Variants in NIPSNAP3A observed in about 807,000 individuals in gnomAD.
The protein encoded by NIPSNAP3A is nipsnap homolog 3A.
In NIPSNAP3A, 27 loss-of-function variants were observed where a neutral mutation model predicts 32.3. The observed-to-expected ratio is 0.84, with a 90% CI of 0.62 to 1.15. NIPSNAP3A has a LOEUF of 1.15. NIPSNAP3A is among the 50% of genes most tolerant of loss of function. The probability of loss-of-function intolerance (pLI) is 0.00; values close to 1 mark genes in which losing one functional copy is unlikely to be tolerated. For synonymous variants in NIPSNAP3A, 108 were observed against 107.3 expected, an observed-to-expected ratio of 1.01 and a Z score of -0.04; for missense variants, 278 against 297.2, an observed-to-expected ratio of 0.94 and a Z score of 0.48.
chr9:104,756,944 C>G (rs923959348), intron 4 of NIPSNAP3A, among the ~76,000 whole-genome samples: 10 of 151,310 alleles, frequency 6.6e-5, no homozygotes, highest in Non-Finnish European at 1.0e-4. Flanking sequence ...GCTGGGATTA[C>G]AGCTGTGTGC....
chr9:104,759,725 A>G lies in NIPSNAP3A; in HGVS notation c.*387A>G. The G allele has an allele frequency of 6.1e-6, 1 of 164,864 alleles. No individual in the cohort carries two copies. The highest frequency in any genetic ancestry group is 1.3e-5 in the Non-Finnish European group (1 of 75,832). The allele number at this position is 164,864 out of a possible 1,614,324, so 10.2% of individuals were successfully genotyped here. ...CATTTTTAAGTTATTAATATATTTT[A>G]TCAACCTTTCCATCATGTCTGTTTT... On this transcript the variant is annotated 3_prime_UTR_variant, in exon 6 of 6. Coordinates refer to ENST00000374767, the MANE Select transcript of NIPSNAP3A (RefSeq NM_015469.3).
intron 4 of NIPSNAP3A, 81 bp from the exon 5 acceptor site, chr9:104,759,004 A>C: frequency 4.5e-5 from 31 of 693,238 alleles, no homozygotes; most frequent in Non-Finnish European, 6.8e-5. Flanking sequence ...AAAGAATAGG[A>C]TGGGTTTGAT....
At chr9:104,747,932 G>A in intron 1 of NIPSNAP3A, 80 bp downstream of exon 1, 1 of 1,353,818 alleles carries the variant, frequency 7.4e-7, no homozygotes. Context: ...GTACGTGCGA[G>A]CAATGCGCAT....
chr9:104,756,110 T>A (rs1827903040), intron 4 of NIPSNAP3A, among the ~76,000 whole-genome samples: 1 of 152,112 alleles, frequency 6.6e-6, no homozygotes, highest in Non-Finnish European at 1.5e-5. Flanking sequence ...AAATAGAATA[T>A]ATAAAAACAG....
chr9:104,748,961 CAT>C (rs1827813962), intron 1 of NIPSNAP3A, among the ~76,000 whole-genome samples: 1 of 152,098 alleles, frequency 6.6e-6, no homozygotes, highest in African/African-American at 2.4e-5. Context: ...TCTTAACTCC[CAT>C]CCGGCTCCCC....
chr9:104,747,913 G>A, intron 1 of NIPSNAP3A, 61 bp downstream of exon 1: 1 of 1,380,922 alleles, frequency 7.2e-7, no homozygotes, highest in South Asian at 1.3e-5. Flanking sequence ...GGGGCGGGGA[G>A]TGTTCCGGGT....
chr9:104,751,418 C>T (rs1323330469), intron 2 of NIPSNAP3A, among the ~76,000 whole-genome samples: 1 of 152,142 alleles, frequency 6.6e-6, no homozygotes, highest in East Asian at 1.9e-4. Flanking sequence ...CATGGCATCT[C>T]ATATATCAAG....
intron 2 of NIPSNAP3A, among the ~76,000 whole-genome samples, chr9:104,751,984 A>G (rs1827853072): frequency 6.6e-6 from 1 of 152,118 alleles, no homozygotes; most frequent in Non-Finnish European, 1.5e-5. Flanking sequence ...TTCCCTGTTA[A>G]TAGAAAAAGC....
intron 3 of NIPSNAP3A, 63 bp from the exon 4 acceptor site, chr9:104,754,488 T>G: frequency 7.0e-7 from 1 of 1,431,734 alleles, no homozygotes; most frequent in Non-Finnish European, 9.8e-7. Context: ...GACTATTCAC[T>G]GAGAAACGTG....
chr9:104,754,633 T>A lies in NIPSNAP3A; in HGVS notation c.513T>A (p.Ala171=). The A allele has an allele frequency of 6.2e-7, 1 of 1,614,008 alleles. No homozygotes were observed. The highest frequency in any genetic ancestry group is 8.5e-7 in the Non-Finnish European group (1 of 1,179,876). Reference sequence around the variant, plus strand: ...ATGCATTTAAAAGGGCAGTTCATGCTCATGTCAATCTAGGCTACACAAAAC... The same window carrying A: ...ATGCATTTAAAAGGGCAGTTCATGCACATGTCAATCTAGGCTACACAAAAC... ...WGDAFKRAVH[A]HVNLGYTKLV... Residue 171 remains alanine (A), a synonymous_variant, in exon 4 of 6, where the codon GCT becomes GCA. Transcript: ENST00000374767.
At chr9:104,759,011 T>G in intron 4 of NIPSNAP3A, 74 bp from the exon 5 acceptor site, 7 of 1,210,370 alleles carry the variant, frequency 5.8e-6, no homozygotes, top group Non-Finnish European at 8.3e-6. Context: ...AGGATGGGTT[T>G]GATTCATTTT....
intron 1 of NIPSNAP3A, among the ~76,000 whole-genome samples, chr9:104,750,007 C>T (rs990464787): frequency 2.0e-5 from 3 of 152,192 alleles, no homozygotes; most frequent in Admixed American, 6.5e-5. Context: ...AGTTACATTC[C>T]AGTCCTAATT....
Position 104,747,720 on chromosome 9 carries a change from C to T in NIPSNAP3A, c.-73C>T, listed in dbSNP as rs551479255. The T allele has an allele frequency of 1.4e-6, 2 of 1,466,412 alleles. No individual in the cohort carries two copies. Among genetic ancestry groups the T allele is most frequent in the South Asian group, 2.4e-5 (2 of 83,098 alleles). The allele number at this position is 1,466,412 out of a possible 1,614,324, so 90.8% of individuals were successfully genotyped here. A position where few individuals can be genotyped will look rare whatever the true frequency, so the allele number is the denominator to read the frequency against. On this transcript the variant is annotated 5_prime_UTR_variant, in exon 1 of 6. Coordinates refer to ENST00000374767, the MANE Select transcript of NIPSNAP3A (RefSeq NM_015469.3). Reference sequence around the variant, plus strand: ...CCAATGATCCAGGAGCCGCTCCTTTCCACTCGGGAAACCTTCAGAGGAGTC... The same window carrying T: ...CCAATGATCCAGGAGCCGCTCCTTTTCACTCGGGAAACCTTCAGAGGAGTC...
intron 3 of NIPSNAP3A, chr9:104,753,926 A>C (rs545099657): frequency 6.6e-6 from 1 of 152,492 alleles, no homozygotes; most frequent in South Asian, 2.1e-4. Flanking sequence ...TACTTGTCCC[A>C]GAGTTTCTTT....
intron 4 of NIPSNAP3A, 114 bp from the exon 5 acceptor site, chr9:104,758,971 C>CAAAAAAAAA: frequency 3.2e-5 from 13 of 402,564 alleles, no homozygotes; most frequent in South Asian, 5.9e-5. Context: ...ACTCTTGTTT[C>CAAAAAAAAA]AAAAAAAAAA....
In NIPSNAP3A at chr9:104,751,103, G is replaced by T; in HGVS notation, c.208G>T (p.Val70Phe). The change falls in exon 2 of 6, where the codon GTT becomes TTT. Residue 70 changes from valine to phenylalanine, a missense_variant. By Grantham distance (50) the Val-to-Phe change is conservative. Coordinates refer to ENST00000374767, the MANE Select transcript of NIPSNAP3A (RefSeq NM_015469.3). ...AHLRTAHSEL[V>F]GYWSVEFGGR... ...TCTTCGGACAGCTCACTCTGAATTG[G>T]TTGGATACTGGAGTGTAGAATTTGG... The T allele has an allele frequency of 1.9e-6, 3 of 1,614,048 alleles. No homozygotes were observed. The highest frequency in any genetic ancestry group is 1.1e-5 in the South Asian group (1 of 91,080).
Position 104,759,375 on chromosome 9 carries a change from A to G in NIPSNAP3A, c.*37A>G. ...AATACAAAACATTTCATTAACTGCTATAGGATCTGTCTGCTAATGGTGCTT... is the reference window on the plus strand; with the variant it reads ...AATACAAAACATTTCATTAACTGCTGTAGGATCTGTCTGCTAATGGTGCTT... On this transcript the variant is annotated 3_prime_UTR_variant, in exon 6 of 6. Coordinates refer to ENST00000374767, the MANE Select transcript of NIPSNAP3A (RefSeq NM_015469.3). The G allele has an allele frequency of 6.3e-7, 1 of 1,586,598 alleles. No homozygotes were observed. Among genetic ancestry groups the G allele is most frequent in the Non-Finnish European group, 8.6e-7 (1 of 1,157,166 alleles).
In NIPSNAP3A at chr9:104,751,058, A is replaced by G. The variant is rs755284555; in HGVS notation, c.163A>G (p.Asn55Asp). 2 of 1,614,038 alleles carry G rather than the reference A, an allele frequency of 1.2e-6. No individual in the cohort carries two copies. The highest frequency in any genetic ancestry group is 2.2e-5 in the South Asian group (2 of 91,084). ...KPSKMNEFLE[N>D]FEKNAHLRTA... is the part of the protein sequence containing the mutation. ...CTCAAAGATGAATGAGTTCCTGGAA[A>G]ATTTTGAGAAAAACGCTCATCTTCG... The change falls in exon 2 of 6, where the codon AAT (asparagine) becomes GAT (aspartate). Residue 55 changes from asparagine (N) to aspartate (D), a missense_variant. By Grantham distance (23) the Asn-to-Asp change is conservative. Coordinates refer to ENST00000374767, the MANE Select transcript of NIPSNAP3A (RefSeq NM_015469.3).
At chr9:104,749,453 C>G (rs1827819195) in intron 1 of NIPSNAP3A, among the ~76,000 whole-genome samples, 1 of 152,170 alleles carries the variant, frequency 6.6e-6, no homozygotes, top group Non-Finnish European at 1.5e-5. Context: ...TATGTCGGAG[C>G]AAAAGCCTAC....
Sources: gnomAD v4.1 joint callset for allele counts (sites outside exome capture counted in the v4.1 genomes callset) on GRCh38, gnomAD v4.1.1 for gene constraint, MANE v1.5 for transcripts, NCBI Gene and HGNC (gene_info 2026-07-23, HGNC 2026-07-21) for gene names.